The following PI15 variants were observed in gnomAD, a reference collection of about 807,000 sequenced individuals.
PI15 encodes 25 kDa trypsin inhibitor.
In PI15, 18 loss-of-function variants were observed where a neutral mutation model predicts 31.0. The ratio of observed to expected loss-of-function variants is 0.58; its 90% CI spans 0.40 to 0.86. PI15 has a LOEUF of 0.86. PI15 is among the 40% of genes least tolerant of loss of function. The pLI is 0.00. For synonymous variants in PI15, 118 were observed against 119.1 expected, an observed-to-expected ratio of 0.99 and a Z score of 0.06; for missense variants, 282 against 328.1, an observed-to-expected ratio of 0.86 and a Z score of 1.09.
At position 74,854,676 on chromosome 8, in the gene PI15, G is replaced by T. The variant is rs112021114; in HGVS notation, c.*5423G>T. Reference sequence around the variant, plus strand: ...GCTTGGATACATATTACAGCATCTTGTGTTTTATTTGACAAACAGAATTTT... The same window carrying T: ...GCTTGGATACATATTACAGCATCTTTTGTTTTATTTGACAAACAGAATTTT... On this transcript the variant is annotated 3_prime_UTR_variant, in exon 6 of 6. Transcript: ENST00000260113. The T allele has an allele frequency of 6.6e-5, 10 of 152,056 alleles. No individual in the cohort carries two copies. The highest frequency in any genetic ancestry group is 2.1e-4 in the South Asian group (1 of 4,826). 9.4% of individuals were successfully genotyped at this position (152,056 alleles called of 1,614,324 possible). A position where few individuals can be genotyped will look rare whatever the true frequency, so the allele number is the denominator to read the frequency against.
intron 2 of PI15, among the ~76,000 whole-genome samples, chr8:74,841,254 T>C (rs1046786066): frequency 1.3e-5 from 2 of 152,222 alleles, no homozygotes; most frequent in Non-Finnish European, 2.9e-5. Flanking sequence ...CTCCATGATA[T>C]GGAAAACGCC....
chr8:74,824,908 T>C (rs556483374), intron 1 of PI15: 9 of 225,512 alleles, frequency 4.0e-5, no homozygotes, highest in South Asian at 3.3e-4. Flanking sequence ...ACTGAAAATA[T>C]GCAGTAATAT....
intron 2 of PI15, among the ~76,000 whole-genome samples, chr8:74,835,331 G>C (rs2012788144): frequency 6.6e-6 from 1 of 151,998 alleles, no homozygotes; most frequent in Non-Finnish European, 1.5e-5. Context: ...ACACATTCAA[G>C]GTCTCCAACC....
chr8:74,834,273 G>A (rs977390013), intron 2 of PI15, among the ~76,000 whole-genome samples: 5 of 152,150 alleles, frequency 3.3e-5, no homozygotes, highest in African/African-American at 1.2e-4. Context: ...GATTTCATCT[G>A]AGGATATTGC....
intron 2 of PI15, among the ~76,000 whole-genome samples, chr8:74,828,324 G>A (rs970484722): frequency 1.3e-5 from 2 of 152,056 alleles, no homozygotes; most frequent in Non-Finnish European, 2.9e-5. Flanking sequence ...GTCTGGAGGT[G>A]GGAGAATATC....
chr8:74,839,544 T>C (rs529631374), intron 2 of PI15, among the ~76,000 whole-genome samples: 2 of 152,270 alleles, frequency 1.3e-5, no homozygotes, highest in Non-Finnish European at 2.9e-5. Context: ...ATTCTTAATT[T>C]TTCCTCATTT....
rs73342927 is a variant in PI15, at chr8:74,853,562, T to C, written c.*4309T>C. On this transcript the variant is annotated 3_prime_UTR_variant, in exon 6 of 6. Coordinates refer to ENST00000260113, the MANE Select transcript of PI15 (RefSeq NM_015886.5). ...TCACCTAAACTGGTTAGATTACTTC[T>C]ACAGCTAATAATATTGCAGGCACTG... 755 of 152,630 alleles carry C rather than the reference T, an allele frequency of 4.9e-3. 6 individuals carry two copies. Among genetic ancestry groups the C allele is most frequent in the African/African-American group, 0.017 (695 of 41,556 alleles). 9.5% of individuals were successfully genotyped at this position (152,630 alleles called of 1,614,324 possible).
At position 74,852,689 on chromosome 8, in the gene PI15, T is replaced by C. The variant is rs1268632925; in HGVS notation, c.*3436T>C. The C allele has an allele frequency of 6.6e-6, 1 of 152,162 alleles. No homozygotes were observed. Among genetic ancestry groups the C allele is most frequent in the Non-Finnish European group, 1.5e-5 (1 of 67,978 alleles). 9.4% of individuals were successfully genotyped at this position (152,162 alleles called of 1,614,324 possible). ...AGAAATTTTTCTCATAATATATACC[T>C]ATGTGAAACCAACTTATCTGCATAA... On this transcript the variant is annotated 3_prime_UTR_variant, in exon 6 of 6. Coordinates refer to ENST00000260113, the MANE Select transcript of PI15 (RefSeq NM_015886.5).
At chr8:74,844,233 C>G (rs562741658) in intron 3 of PI15, 134 bp downstream of exon 3, 4 of 672,578 alleles carry the variant, frequency 5.9e-6, no homozygotes, top group Admixed American at 2.3e-5. Context: ...GGTACTAACG[C>G]TTGGCCTATG....
At chr8:74,835,400 C>T (rs572653381) in intron 2 of PI15, among the ~76,000 whole-genome samples, 1 of 152,046 alleles carries the variant, frequency 6.6e-6, no homozygotes, top group South Asian at 2.1e-4. Context: ...CTCAAAAGTT[C>T]CCTGGGAGAT....
In PI15 at chr8:74,849,596, TG is replaced by T. The variant is rs201940947; in HGVS notation, c.*344del. The stretch of plus-strand genomic sequence containing the variant: ...TATATTTGACCTGTAAGTGTGTGTA[TG>T]TATACATATACATATGTATGTGTAT... On this transcript the variant is annotated 3_prime_UTR_variant, in exon 6 of 6. Transcript: ENST00000260113. The T allele has an allele frequency of 5.1e-3, 921 of 182,050 alleles. 4 individuals carry two copies. The highest frequency in any genetic ancestry group is 7.8e-3 in the Non-Finnish European group (680 of 87,606). 11.3% of individuals were successfully genotyped at this position (182,050 alleles called of 1,614,324 possible).
intron 2 of PI15, among the ~76,000 whole-genome samples, chr8:74,842,292 T>C (rs1810956283): frequency 6.6e-6 from 1 of 152,096 alleles, no homozygotes; most frequent in Admixed American, 6.5e-5. Flanking sequence ...TCCATGTAAA[T>C]ATAAGTGATC....
At chr8:74,825,026 T>C in intron 1 of PI15, 184 bp from the exon 2 acceptor site, 1 of 606,362 alleles carries the variant, frequency 1.6e-6, no homozygotes, top group South Asian at 2.1e-5. Flanking sequence ...GGGGTCTGCC[T>C]CATGACACTA....
intron 2 of PI15, among the ~76,000 whole-genome samples, chr8:74,829,446 A>G (rs934189109): frequency 6.6e-6 from 1 of 152,068 alleles, no homozygotes; most frequent in Admixed American, 6.6e-5. Flanking sequence ...ATGACTCTAA[A>G]CCACAAACCA....
chr8:74,847,510 G>T (rs1586959362), intron 5 of PI15, among the ~76,000 whole-genome samples: 1 of 151,796 alleles, frequency 6.6e-6, no homozygotes, highest in African/African-American at 2.4e-5. Context: ...GGATAAGAGA[G>T]CGAGCCACAC....
At chr8:74,843,634 C>T (rs545057592) in intron 2 of PI15, among the ~76,000 whole-genome samples, 100 of 152,224 alleles carry the variant, frequency 6.6e-4, no homozygotes, top group Admixed American at 3.0e-3. Context: ...GAGGCGGAGG[C>T]GGGTGAATCG....
At position 74,840,195 on chromosome 8, in the gene PI15, T is replaced by G. The variant is rs72669217; in HGVS notation, c.274-3786T>G. Reference sequence around the variant, plus strand: ...AAAGATCAAATCAGTGTAATTGGGATAGCTATCACTTTAAATTTGTATCTT... The same window carrying G: ...AAAGATCAAATCAGTGTAATTGGGAGAGCTATCACTTTAAATTTGTATCTT... On this transcript the variant is annotated intron_variant, in intron 2 of 5. Coordinates refer to ENST00000260113, the MANE Select transcript of PI15 (RefSeq NM_015886.5). Among the ~76,000 whole-genome samples the G allele has an allele frequency of 9.8e-3, 1,496 of 152,344 alleles. 16 individuals are homozygous for G. The highest frequency in any genetic ancestry group is 0.016 in the Non-Finnish European group (1,065 of 68,022).
intron 2 of PI15, among the ~76,000 whole-genome samples, chr8:74,833,930 TGCCTGAGCTCC>T (rs979029811): frequency 6.6e-6 from 1 of 152,218 alleles, no homozygotes; most frequent in Non-Finnish European, 1.5e-5. Flanking sequence ...TGAGCATTGC[TGCCTGAGCTCC>T]GCCTCCTGTC....
Position 74,845,115 on chromosome 8 carries a change from T to G in PI15, c.393-13T>G, listed in dbSNP as rs1316686468. On this transcript the variant is annotated splice_polypyrimidine_tract_variant and intron_variant, in intron 3 of 5. Coordinates refer to ENST00000260113, the MANE Select transcript of PI15 (RefSeq NM_015886.5). ...CTGCTGCACTCTGATTTCTTTCTTT[T>G]CTTTATATGCAGATATCGCTCTATT... 6.2e-7 allele frequency: 1 copy of G among 1,608,520 alleles called. No individual in the cohort carries two copies. Among genetic ancestry groups the G allele is most frequent in the South Asian group, 1.1e-5 (1 of 90,978 alleles).
Sources: allele counts gnomAD v4.1 joint callset (sites outside exome capture counted in the v4.1 genomes callset), GRCh38; gene constraint gnomAD v4.1.1; transcripts MANE v1.5; gene names NCBI Gene and HGNC (gene_info 2026-07-23, HGNC 2026-07-21).